MORC2: variants seen among roughly 807,000 people sequenced by gnomAD.
MORC2 encodes ATPase MORC2.
In MORC2, 30 loss-of-function variants were observed where a neutral mutation model predicts 136.0. The ratio of observed to expected loss-of-function variants is 0.22; its 90% confidence interval spans 0.17 to 0.30. The LOEUF (loss-of-function observed/expected upper bound fraction) is 0.30, where lower values mean the gene tolerates loss of function less well. Among genes scored for constraint, MORC2 ranks in the 10% least tolerant of loss-of-function variants. The pLI, the probability that MORC2 is intolerant of heterozygous loss-of-function variation, is 1.00. For missense variants in MORC2, 922 were observed against 1,333.1 expected (o/e 0.69, Z 4.80); for synonymous variants, 439 against 487.0 (o/e 0.90, Z 1.30).
chr22:30,925,142 AC>A lies in MORC2; in HGVS notation c.*1660del. Reference sequence around the variant, plus strand: ...AAAACAGACTGAGTTCAGGAGTCTCACCAGTAGAACTTTATAGTATTGCGTT... The same window carrying A: ...AAAACAGACTGAGTTCAGGAGTCTCACAGTAGAACTTTATAGTATTGCGTT... On this transcript the variant is annotated 3_prime_UTR_variant, in exon 26 of 26. Coordinates refer to ENST00000397641, the MANE Select transcript of MORC2 (RefSeq NM_001303256.3). 2.9e-6 allele frequency: 1 copy of A among 349,372 alleles called. No homozygotes were observed. The highest frequency in any genetic ancestry group is 2.2e-5 in the South Asian group (1 of 45,178). The allele number at this position is 349,372 out of a possible 1,614,324, so 21.6% of individuals were successfully genotyped here.
rs1427425271 is a variant in MORC2, at chr22:30,926,522, G to A, written c.*281C>T. The A allele has an allele frequency of 1.6e-5, 3 of 187,018 alleles. No individual in the cohort carries two copies. The highest frequency in any genetic ancestry group is 1.8e-5 in the Non-Finnish European group (2 of 112,144). 11.6% of individuals were successfully genotyped at this position (187,018 alleles called of 1,614,324 possible). A position where few individuals can be genotyped will look rare whatever the true frequency, so the allele number is the denominator to read the frequency against. On this transcript the variant is annotated 3_prime_UTR_variant, in exon 26 of 26. Transcript: ENST00000397641. ...CTTAGCAACCCAGTATGGCCAAAGTGGAAAGGTTCTCTGTCCTTTGCAGTC... is the reference window on the plus strand; with the variant it reads ...CTTAGCAACCCAGTATGGCCAAAGTAGAAAGGTTCTCTGTCCTTTGCAGTC...
chr22:30,950,315 A>AT (rs2040869058), intron 4 of MORC2, 62 bp downstream of exon 4: 2 of 1,517,754 alleles, frequency 1.3e-6, no homozygotes. Flanking sequence ...CACAATAAGT[A>AT]TTTTGTAAAA....
chr22:30,946,074 A>C (rs1243798615), intron 6 of MORC2, among the ~76,000 whole-genome samples: 4 of 152,066 alleles, frequency 2.6e-5, no homozygotes, highest in Admixed American at 2.6e-4. Context: ...TGCAAATCCA[A>C]CTCTTAATTC....
Position 30,938,205 on chromosome 22 carries a change from T to C in MORC2, c.1074A>G (p.Arg358=). 1 of 1,612,990 alleles carries C rather than the reference T, an allele frequency of 6.2e-7. No individual in the cohort carries two copies. The highest frequency in any genetic ancestry group is 2.2e-5 in the East Asian group (1 of 44,822). ...VKKRIKEAKQ[R]ALKEPKELNF... ...TCAGTTCCTTAGGTTCTTTAAGTGC[T>C]CTAAGAAGACAAAAAAACTCAAGCA... Residue 358 remains arginine (R), a splice_region_variant and synonymous_variant, in exon 13 of 26, where the codon CGA becomes CGG. Transcript: ENST00000397641.
chr22:30,955,156 C>T (rs186267459), intron 3 of MORC2, among the ~76,000 whole-genome samples: 6 of 152,180 alleles, frequency 3.9e-5, no homozygotes, highest in African/African-American at 1.4e-4. Context: ...CAGGGTTTCT[C>T]CATGTTGGTC....
intron 3 of MORC2, among the ~76,000 whole-genome samples, 171 bp downstream of exon 3, chr22:30,956,592 C>T (rs1170490033): frequency 2.0e-5 from 3 of 152,186 alleles, no homozygotes; most frequent in African/African-American, 7.2e-5. Flanking sequence ...TATGCCTGAC[C>T]AGAGCTGACC....
At chr22:30,927,870 A>C (rs2040512659) in intron 25 of MORC2, 149 bp downstream of exon 25, 1 of 941,910 alleles carries the variant, frequency 1.1e-6, no homozygotes, top group Non-Finnish European at 1.6e-6. Flanking sequence ...CACCATCTCA[A>C]GCCCTCCTGC....
chr22:30,950,918 G>A (rs1025643507), intron 3 of MORC2, among the ~76,000 whole-genome samples: 6 of 152,198 alleles, frequency 3.9e-5, no homozygotes, highest in South Asian at 4.1e-4. Flanking sequence ...TCAAAGTGAT[G>A]AAACCAGACA....
chr22:30,940,208 G>A (rs1005030684), intron 10 of MORC2, among the ~76,000 whole-genome samples, 167 bp from the exon 11 acceptor site: 3 of 152,140 alleles, frequency 2.0e-5, no homozygotes, highest in South Asian at 2.1e-4. Context: ...GTGCCTGGAC[G>A]GCAGTCAGTC....
In MORC2 at chr22:30,956,745, G is replaced by A. The variant is rs1249941643; in HGVS notation, c.157+18C>T. Reference sequence around the variant, plus strand: ...ATTAAGATGAACTAGACATTAGAAGGACTAAAGCCTGACTTACCTGCATAA... The same window carrying A: ...ATTAAGATGAACTAGACATTAGAAGAACTAAAGCCTGACTTACCTGCATAA... On this transcript the variant is annotated intron_variant, in intron 3 of 25. Transcript: ENST00000397641. The A allele has an allele frequency of 3.3e-6, 5 of 1,528,148 alleles. No homozygotes were observed. The African/African-American group carries it at 6.9e-5, about 21-fold the overall frequency. 94.7% of individuals were successfully genotyped at this position (1,528,148 alleles called of 1,614,324 possible). A position where few individuals can be genotyped will look rare whatever the true frequency, so the allele number is the denominator to read the frequency against.
Position 30,936,588 on chromosome 22 carries a change from T to A in MORC2, c.1660A>T (p.Met554Leu). 6.2e-7 allele frequency: 1 copy of A among 1,614,224 alleles called. No individual in the cohort carries two copies. The change falls in exon 17 of 26, where the codon ATG becomes TTG. Residue 554 changes from methionine (M) to leucine (L), a missense_variant. By Grantham distance (15) the Met-to-Leu change is conservative. Around this residue, in one of 9 missense-constraint regions of MORC2, gnomAD observed 119 missense variants for 202.7 expected, o/e 0.59. Transcript: ENST00000397641. ...TTCTGCTTCTCTTCCTGCGTCTTCA[T>A]GTCCTTTCTGAATGTTCCCAGGGGA... Reference protein sequence around the residue: ...KVPLGTFRKDMKTQEEKQKQL... With the variant: ...KVPLGTFRKDLKTQEEKQKQL...
chr22:30,959,912 GGAA>G (rs2041018578), intron 1 of MORC2, among the ~76,000 whole-genome samples: 1 of 152,164 alleles, frequency 6.6e-6, no homozygotes. Flanking sequence ...AAACTCTCCA[GGAA>G]TATTGTTTTT....
At chr22:30,952,485 C>T (rs2040904552) in intron 3 of MORC2, among the ~76,000 whole-genome samples, 1 of 152,186 alleles carries the variant, frequency 6.6e-6, no homozygotes, top group South Asian at 2.1e-4. Flanking sequence ...TTTTCTGGCT[C>T]AAGGACTTCA....
At position 30,932,339 on chromosome 22, in the gene MORC2, G is replaced by C; in HGVS notation, c.2841+20C>G. 1.9e-6 allele frequency: 3 copies of C among 1,582,404 alleles called. No individual in the cohort carries two copies. Among genetic ancestry groups the C allele is most frequent in the Non-Finnish European group, 1.7e-6 (2 of 1,153,854 alleles). Reference sequence around the variant, plus strand: ...GTGGGGGAATGAAGAGTGTGGAATCGAAGGTCAGGCCAGACTCACCAGAGG... The same window carrying C: ...GTGGGGGAATGAAGAGTGTGGAATCCAAGGTCAGGCCAGACTCACCAGAGG... On this transcript the variant is annotated intron_variant, in intron 24 of 25. Coordinates refer to ENST00000397641, the MANE Select transcript of MORC2 (RefSeq NM_001303256.3). This position sits in a 1 kb window ranked among gnomAD's most constrained non-coding sequence, Gnocchi z 4.4.
Position 30,937,460 on chromosome 22 carries a change from T to A in MORC2, c.1498+123A>T. ...TCACAGGGCCATCGTCAAACAGACT[T>A]GGATCCCTAGGGGACTGTAAGTCCA... is the stretch of plus-strand genomic sequence containing the variant. On this transcript the variant is annotated intron_variant, in intron 15 of 25. Coordinates refer to ENST00000397641, the MANE Select transcript of MORC2 (RefSeq NM_001303256.3). The surrounding 1 kb of genome is among the most constrained non-coding windows in gnomAD (Gnocchi z 4.7). The A allele has an allele frequency of 3.5e-6, 5 of 1,431,150 alleles. No individual in the cohort carries two copies. The highest frequency in any genetic ancestry group is 4.7e-6 in the Non-Finnish European group (5 of 1,062,404). The allele number at this position is 1,431,150 out of a possible 1,614,324, so 88.7% of individuals were successfully genotyped here. A position where few individuals can be genotyped will look rare whatever the true frequency, so the allele number is the denominator to read the frequency against.
intron 12 of MORC2, among the ~76,000 whole-genome samples, chr22:30,938,656 G>A (rs998492070): frequency 3.9e-5 from 6 of 152,078 alleles, no homozygotes; most frequent in Non-Finnish European, 7.4e-5. Flanking sequence ...TGCAATCTCC[G>A]CACCCTGCAT....
At chr22:30,955,649 C>T (rs1351048524) in intron 3 of MORC2, among the ~76,000 whole-genome samples, 3 of 152,126 alleles carry the variant, frequency 2.0e-5, no homozygotes, top group Admixed American at 6.5e-5. Context: ...TCACCTCACA[C>T]ATTTCAGAGG....
intron 6 of MORC2, among the ~76,000 whole-genome samples, chr22:30,945,520 C>A (rs2040803203): frequency 6.6e-6 from 1 of 152,184 alleles, no homozygotes; most frequent in African/African-American, 2.4e-5. Context: ...CAAGCCCTGG[C>A]CTCCATGTCT....
At chr22:30,944,993 C>T (rs1378503182) in intron 6 of MORC2, among the ~76,000 whole-genome samples, 1 of 152,216 alleles carries the variant, frequency 6.6e-6, no homozygotes, top group Non-Finnish European at 1.5e-5. Context: ...ACACATTCAT[C>T]AAGGCCCCGA....
Sources: gnomAD v4.1 joint callset for allele counts (sites outside exome capture counted in the v4.1 genomes callset) on GRCh38, gnomAD v4.1.1 for gene constraint, gnomAD v4.1.1 regional missense constraint, Gnocchi (gnomAD v3.1) non-coding constraint, MANE v1.5 for transcripts, NCBI Gene and HGNC (gene_info 2026-07-23, HGNC 2026-07-21) for gene names.